VEZT: variants seen among roughly 807,000 people sequenced by gnomAD.
VEZT encodes the protein vezatin.
Under a neutral mutation model 79.9 loss-of-function variants are expected in VEZT, and 39 were observed. The ratio of observed to expected loss-of-function variants is 0.49; its 90% confidence interval spans 0.38 to 0.64. The LOEUF (loss-of-function observed/expected upper bound fraction) is 0.64. VEZT is among the 30% of genes least tolerant of loss of function. The pLI, the probability that VEZT is intolerant of heterozygous loss-of-function variation, is 0.00. For missense variants in VEZT, 837 were observed against 893.1 expected (o/e 0.94, Z 0.80); for synonymous variants, 325 against 327.6 (o/e 0.99, Z 0.09).
chr12:95,278,607 C>T (rs898291117), intron 7 of VEZT, among the ~76,000 whole-genome samples: 2 of 152,094 alleles, frequency 1.3e-5, no homozygotes, highest in South Asian at 2.1e-4. Context: ...GTGTGTTGCC[C>T]CCTCTAAAGA....
chr12:95,295,229 C>T (rs541458264), intron 10 of VEZT, among the ~76,000 whole-genome samples: 34 of 152,262 alleles, frequency 2.2e-4, no homozygotes, highest in Admixed American at 9.2e-4. Flanking sequence ...GGCGCGATCT[C>T]GGCTCACTGC....
At chr12:95,295,552 G>A (rs1356205423) in intron 10 of VEZT, among the ~76,000 whole-genome samples, 1 of 152,164 alleles carries the variant, frequency 6.6e-6, no homozygotes, top group East Asian at 1.9e-4. Flanking sequence ...AGCCTATACT[G>A]TAAGGATACT....
At chr12:95,232,546 C>CA (rs2059411346) in intron 1 of VEZT, among the ~76,000 whole-genome samples, 1 of 152,152 alleles carries the variant, frequency 6.6e-6, no homozygotes, top group Non-Finnish European at 1.5e-5. Flanking sequence ...CAGTTTCGGG[C>CA]TTTTGTGCCA....
intron 1 of VEZT, 118 bp downstream of exon 1, chr12:95,218,004 G>T: frequency 1.9e-6 from 2 of 1,076,580 alleles, no homozygotes; most frequent in South Asian, 1.9e-5. Flanking sequence ...AGCTGGCCTC[G>T]ACCACCGAAC....
intron 1 of VEZT, among the ~76,000 whole-genome samples, chr12:95,241,454 A>G (rs1193717475): frequency 2.0e-5 from 3 of 152,014 alleles, no homozygotes; most frequent in Non-Finnish European, 4.4e-5. Context: ...AGAGGCGCAC[A>G]CCACCATTTC....
rs2075112477 is a variant in VEZT at position 95,300,687 on chromosome 12, T to G, written c.*14T>G. 3 of 1,559,598 alleles carry G rather than the reference T, an allele frequency of 1.9e-6. No individual in the cohort carries two copies. Among genetic ancestry groups the G allele is most frequent in the African/African-American group, 2.7e-5 (2 of 73,600 alleles). The stretch of plus-strand genomic sequence containing the variant: ...GAAGAAAAGTAAGAACCAAGATTCA[T>G]ATGAAGTGATATTAGATTGTTCCTT... On this transcript the variant is annotated 3_prime_UTR_variant, in exon 12 of 12. Coordinates refer to ENST00000436874, the MANE Select transcript of VEZT (RefSeq NM_017599.4).
Position 95,251,931 on chromosome 12 carries a change from C to G in VEZT, c.37-9C>G, listed in dbSNP as rs192728802. 1.8e-5 allele frequency: 29 copies of G among 1,596,170 alleles called. 1 individual carries two copies. In the Admixed American group the frequency reaches 3.4e-4, roughly 19 times the overall value. On this transcript the variant is annotated splice_polypyrimidine_tract_variant and intron_variant, in intron 1 of 11. Transcript: ENST00000436874. ...TCTTGAAATTTGCTTTATTTTGTGT[C>G]TTTTTCAGAATTCTCCACTTTACCA...
chr12:95,292,334 TAATA>T (rs2073058074), intron 9 of VEZT, among the ~76,000 whole-genome samples: 2 of 152,214 alleles, frequency 1.3e-5, no homozygotes, highest in East Asian at 3.8e-4. Context: ...TTGCTATTAA[TAATA>T]GTCTTATGGA....
At chr12:95,231,360 G>T (rs1005293201) in intron 1 of VEZT, 6 of 152,114 alleles carry the variant, frequency 3.9e-5, no homozygotes, top group African/African-American at 1.2e-4. Context: ...GGCTGCTTCT[G>T]ATAGGAAAAT....
chr12:95,217,826 G>A lies in VEZT; in HGVS notation c.-25G>A. ...TCCCGCCTTCATTTCCCATCGTGCTGAGGCGGGTGGCATGGCGGAGAAGGA... is the reference window on the plus strand; with the variant it reads ...TCCCGCCTTCATTTCCCATCGTGCTAAGGCGGGTGGCATGGCGGAGAAGGA... On this transcript the variant is annotated 5_prime_UTR_variant, in exon 1 of 12. Coordinates refer to ENST00000436874, the MANE Select transcript of VEZT (RefSeq NM_017599.4). The A allele has an allele frequency of 6.5e-7, 1 of 1,547,796 alleles. No individual in the cohort carries two copies. Among genetic ancestry groups the A allele is most frequent in the South Asian group, 1.2e-5 (1 of 83,320 alleles).
At chr12:95,269,938 C>T (rs1428521132) in intron 5 of VEZT, 113 bp from the exon 6 acceptor site, 1 of 1,270,426 alleles carries the variant, frequency 7.9e-7, no homozygotes, top group African/African-American at 1.5e-5. Flanking sequence ...TAGTGAAGAT[C>T]ATGAAAGAGG....
At chr12:95,281,910 C>T (rs2069230749) in intron 7 of VEZT, among the ~76,000 whole-genome samples, 1 of 151,894 alleles carries the variant, frequency 6.6e-6, no homozygotes, top group Non-Finnish European at 1.5e-5. Flanking sequence ...GCTTTTGATC[C>T]ATGTGACTCA....
At chr12:95,285,464 A>G (rs1190386718) in intron 8 of VEZT, among the ~76,000 whole-genome samples, 1 of 152,108 alleles carries the variant, frequency 6.6e-6, no homozygotes, top group African/African-American at 2.4e-5. Context: ...AATAAAAAAT[A>G]AAAAGAACAA....
chr12:95,290,136 C>A (rs1484527804), intron 9 of VEZT, among the ~76,000 whole-genome samples: 1 of 152,096 alleles, frequency 6.6e-6, no homozygotes, highest in Admixed American at 6.6e-5. Flanking sequence ...TATGTCTAGA[C>A]CTAGATTGTG....
At chr12:95,275,373 A>G (rs963945932) in intron 7 of VEZT, among the ~76,000 whole-genome samples, 6 of 152,120 alleles carry the variant, frequency 3.9e-5, no homozygotes, top group Non-Finnish European at 7.4e-5. Context: ...CAGGCAGATC[A>G]CCTGTCACCT....
rs1476931732 is a variant in VEZT at position 95,289,085 on chromosome 12, AAAAAAAATAAAT to A, written c.1522+1232_1522+1243del. ...CAACAGAGCGAGACTCCGTCTCAAAAAAAAAAATAAATAAATAAATAAATAAATAAATAAATA... is the reference window on the plus strand; with the variant it reads ...CAACAGAGCGAGACTCCGTCTCAAAAAAATAAATAAATAAATAAATAAATA... On this transcript the variant is annotated intron_variant, in intron 9 of 11. Coordinates refer to ENST00000436874, the MANE Select transcript of VEZT (RefSeq NM_017599.4). Among the ~76,000 whole-genome samples, 154 of 87,226 alleles carry A rather than the reference AAAAAAAATAAAT, an allele frequency of 1.8e-3. 1 individual carries two copies. The highest frequency in any genetic ancestry group is 4.5e-3 in the African/African-American group (94 of 21,100). The allele number at this position is 87,226 out of a possible 152,430, so 57.2% of individuals were successfully genotyped here. A position where few individuals can be genotyped will look rare whatever the true frequency, so the allele number is the denominator to read the frequency against.
At chr12:95,240,379 A>G (rs751186664) in intron 1 of VEZT, among the ~76,000 whole-genome samples, 11 of 152,288 alleles carry the variant, frequency 7.2e-5, no homozygotes, top group Middle Eastern at 6.8e-3. Context: ...TTATTGGAAG[A>G]CTGAAGTTCA....
chr12:95,229,516 G>T (rs1256633380), intron 1 of VEZT, among the ~76,000 whole-genome samples: 1 of 152,016 alleles, frequency 6.6e-6, no homozygotes, highest in Non-Finnish European at 1.5e-5. Flanking sequence ...TCATCCTTTG[G>T]TATGAAATTT....
chr12:95,223,882 TTTTG>T (rs1324720699), intron 1 of VEZT, among the ~76,000 whole-genome samples: 3 of 152,208 alleles, frequency 2.0e-5, no homozygotes, highest in African/African-American at 7.2e-5. Flanking sequence ...ATTTTGCTAT[TTTTG>T]TTCTGTTTTT....
Sources: gnomAD v4.1 joint callset for allele counts (sites outside exome capture counted in the v4.1 genomes callset) on GRCh38, gnomAD v4.1.1 for gene constraint, MANE v1.5 for transcripts, NCBI Gene and HGNC (gene_info 2026-07-23, HGNC 2026-07-21) for gene names.